Variants in PCDHGB6 observed in about 807,000 individuals in gnomAD.
PCDHGB6 encodes the protein protocadherin gamma subfamily B, 6, also known as protocadherin gamma-B6.
A neutral mutation model predicts 59.1 loss-of-function variants in PCDHGB6; 51 were observed. The ratio of observed to expected loss-of-function variants is 0.86; its 90% CI spans 0.69 to 1.09. PCDHGB6 has a LOEUF of 1.09. Among genes scored for constraint, PCDHGB6 ranks in the 50% least tolerant of loss-of-function variants. The probability of loss-of-function intolerance (pLI) is 0.00; values close to 1 mark genes in which losing one functional copy is unlikely to be tolerated. For missense variants in PCDHGB6, 1,148 were observed against 1,205.1 expected, an observed-to-expected ratio of 0.95 and a Z score of 0.70; for synonymous variants, 466 against 495.1, an observed-to-expected ratio of 0.94 and a Z score of 0.78.
At chr5:141,422,881 T>G in intron 1 of PCDHGB6, 1 of 1,614,214 alleles carries the variant, frequency 6.2e-7, no homozygotes, top group East Asian at 2.2e-5. Flanking sequence ...GCTGAGCCTG[T>G]TCGTGCTGGA....
intron 1 of PCDHGB6, among the ~76,000 whole-genome samples, chr5:141,435,590 A>G (rs1005651004): frequency 3.3e-5 from 5 of 152,210 alleles, no homozygotes; most frequent in African/African-American, 7.2e-5. Context: ...TTGCAGTAAT[A>G]TCGCCTGCTT....
chr5:141,475,162 G>T (rs949339969), intron 1 of PCDHGB6, among the ~76,000 whole-genome samples: 2 of 152,034 alleles, frequency 1.3e-5, no homozygotes, highest in South Asian at 4.1e-4. Flanking sequence ...TTCTTCATTA[G>T]CAGTGCAACT....
At chr5:141,449,252 T>C (rs1401555556) in intron 1 of PCDHGB6, among the ~76,000 whole-genome samples, 1 of 152,144 alleles carries the variant, frequency 6.6e-6, no homozygotes, top group Non-Finnish European at 1.5e-5. Flanking sequence ...GTTGCAAGAA[T>C]TGTACAAAGA....
chr5:141,487,622 C>T lies in PCDHGB6; in HGVS notation c.2419-7185C>T. Reference sequence around the variant, plus strand: ...TCTTCTCTATGGGCTAGAGGTGAGACCTTTGCAGGCTCAACAAATGCTTGA... The same window carrying T: ...TCTTCTCTATGGGCTAGAGGTGAGATCTTTGCAGGCTCAACAAATGCTTGA... On this transcript the variant is annotated intron_variant, in intron 1 of 3. Coordinates refer to ENST00000520790, the MANE Select transcript of PCDHGB6 (RefSeq NM_018926.3). This position sits in a 1 kb window ranked among gnomAD's most constrained non-coding sequence, Gnocchi z 5.0. 1.2e-6 allele frequency: 2 copies of T among 1,614,174 alleles called. No homozygotes were observed. Among genetic ancestry groups the T allele is most frequent in the South Asian group, 1.1e-5 (1 of 91,084 alleles).
At chr5:141,433,082 T>C in intron 1 of PCDHGB6, 1 of 1,614,188 alleles carries the variant, frequency 6.2e-7, no homozygotes. Flanking sequence ...CCAGCCCAAC[T>C]ATGCAGACAT....
rs575695102 is a variant in PCDHGB6 at position 141,421,063 on chromosome 5, G to C, written c.2418+10443G>C. 16 of 581,866 alleles carry C rather than the reference G, an allele frequency of 2.7e-5. No individual in the cohort carries two copies. The African/African-American group carries it at 2.9e-4, about 10-fold the overall frequency. 36.0% of individuals were successfully genotyped at this position (581,866 alleles called of 1,614,324 possible). A position where few individuals can be genotyped will look rare whatever the true frequency, so the allele number is the denominator to read the frequency against. ...CTCCCCCGCCTCTACCACACAAAGC[G>C]GAATGAGATGGATACTCACAGATCC... On this transcript the variant is annotated intron_variant, in intron 1 of 3. Coordinates refer to ENST00000520790, the MANE Select transcript of PCDHGB6 (RefSeq NM_018926.3).
Position 141,489,084 on chromosome 5 carries a change from C to T in PCDHGB6, c.2419-5723C>T, listed in dbSNP as rs1232276875. On this transcript the variant is annotated intron_variant, in intron 1 of 3. Transcript: ENST00000520790. This position sits in a 1 kb window ranked among gnomAD's most constrained non-coding sequence, Gnocchi z 4.5. ...CTCCCCCCTGCCCACCCCCGCCACTCGGTGACTAAGAACTGCTGCAAGCAG... is the reference window on the plus strand; with the variant it reads ...CTCCCCCCTGCCCACCCCCGCCACTTGGTGACTAAGAACTGCTGCAAGCAG... The T allele has an allele frequency of 1.5e-5, 5 of 329,072 alleles. No homozygotes were observed. Among genetic ancestry groups the T allele is most frequent in the South Asian group, 1.3e-4 (2 of 15,846 alleles). The allele number at this position is 329,072 out of a possible 1,614,324, so 20.4% of individuals were successfully genotyped here. A position where few individuals can be genotyped will look rare whatever the true frequency, so the allele number is the denominator to read the frequency against.
intron 1 of PCDHGB6, chr5:141,422,699 C>T: frequency 6.2e-7 from 1 of 1,603,420 alleles, no homozygotes; most frequent in Middle Eastern, 1.7e-4. Flanking sequence ...GTCACTTACT[C>T]TCTGACGGAT....
chr5:141,408,678 A>G lies in PCDHGB6; in HGVS notation c.476A>G (p.Asp159Gly), dbSNP rs758302984. The stretch of plus-strand genomic sequence containing the variant: ...CGACTATCGCTTGACCCTGCCACGG[A>G]TCCTGATATAAACATAAACTCAATT... Reference protein sequence around the residue: ...GTRLSLDPATDPDININSIKD... With the variant: ...GTRLSLDPATGPDININSIKD... The change falls in exon 1 of 4, where the codon GAT (aspartate) becomes GGT (glycine). Residue 159 changes from aspartate (D) to glycine (G), a missense_variant. Asp to Gly is a moderately conservative substitution (Grantham distance 94, BLOSUM62 -1). This residue lies in a region of PCDHGB6 where 307 missense variants were observed against 323.8 expected (regional missense o/e 0.95). Coordinates refer to ENST00000520790, the MANE Select transcript of PCDHGB6 (RefSeq NM_018926.3). 2.5e-6 allele frequency: 4 copies of G among 1,613,862 alleles called. No individual in the cohort carries two copies. Among genetic ancestry groups the G allele is most frequent in the African/African-American group, 1.3e-5 (1 of 74,920 alleles).
intron 1 of PCDHGB6, chr5:141,423,749 TTGGGGGGGGGG>T: frequency 3.7e-6 from 1 of 272,202 alleles, no homozygotes; most frequent in Non-Finnish European, 4.7e-6. Context: ...TGAAAACTGT[TTGGGGGGGGGG>T]TGGGGCGGCA....
chr5:141,415,119 G>A, intron 1 of PCDHGB6: 1 of 1,613,666 alleles, frequency 6.2e-7, no homozygotes, highest in African/African-American at 1.3e-5. Flanking sequence ...GCCTCGTAGT[G>A]GCCGTCCAGG....
In PCDHGB6 at chr5:141,410,631, C is replaced by A. The variant is rs1227907799; in HGVS notation, c.2418+11C>A. 1 of 1,600,936 alleles carries A rather than the reference C, an allele frequency of 6.2e-7. No homozygotes were observed. The highest frequency in any genetic ancestry group is 2.2e-5 in the East Asian group (1 of 44,824). The stretch of plus-strand genomic sequence containing the variant: ...GAGACTCTGACTTCGGTGAGTTTCT[C>A]TTTTTTGTGTGTGATTTATCTAATA... On this transcript the variant is annotated intron_variant, in intron 1 of 3. Coordinates refer to ENST00000520790, the MANE Select transcript of PCDHGB6 (RefSeq NM_018926.3).
chr5:141,414,052 T>C, intron 1 of PCDHGB6: 1 of 1,610,346 alleles, frequency 6.2e-7, no homozygotes, highest in Non-Finnish European at 8.5e-7. Flanking sequence ...TGACACGCAA[T>C]TGTTGAAGTT....
chr5:141,433,038 C>A, intron 1 of PCDHGB6: 3 of 1,614,180 alleles, frequency 1.9e-6, no homozygotes, highest in Non-Finnish European at 2.5e-6. Flanking sequence ...GTTTCCCTCA[C>A]CACGGACTCG....
chr5:141,429,765 T>C (rs897963458), intron 1 of PCDHGB6, among the ~76,000 whole-genome samples: 1 of 152,230 alleles, frequency 6.6e-6, no homozygotes, highest in East Asian at 1.9e-4. Flanking sequence ...TTTCCCTATA[T>C]TTTGATGGGC....
At chr5:141,500,723 G>A (rs6875791) in intron 2 of PCDHGB6, among the ~76,000 whole-genome samples, 4,890 of 152,100 alleles carry the variant, frequency 0.032, 255 homozygotes, top group African/African-American at 0.11. Flanking sequence ...ATTTCCCCAT[G>A]TCTTTCAAAA....
chr5:141,487,880 G>T lies in PCDHGB6; in HGVS notation c.2419-6927G>T, dbSNP rs1008153773. ...ATTGGTGATCAAGAGCCAGGCTGTTGTGGAAGCATGATGATGGAATGTGGG... is the reference window on the plus strand; with the variant it reads ...ATTGGTGATCAAGAGCCAGGCTGTTTTGGAAGCATGATGATGGAATGTGGG... On this transcript the variant is annotated intron_variant, in intron 1 of 3. Transcript: ENST00000520790. The surrounding 1 kb of genome is among the most constrained non-coding windows in gnomAD (Gnocchi z 5.0). The T allele has an allele frequency of 3.8e-6, 3 of 784,896 alleles. No individual in the cohort carries two copies. Among genetic ancestry groups the T allele is most frequent in the Non-Finnish European group, 6.0e-6 (3 of 497,074 alleles). 48.6% of individuals were successfully genotyped at this position (784,896 alleles called of 1,614,324 possible).
chr5:141,482,383 G>A (rs1594230401), intron 1 of PCDHGB6, among the ~76,000 whole-genome samples: 2 of 152,240 alleles, frequency 1.3e-5, no homozygotes, highest in East Asian at 3.9e-4. Context: ...TAAAGTCCCT[G>A]TATGGAGCAA....
Position 141,468,837 on chromosome 5 carries a change from G to A in PCDHGB6, c.2419-25970G>A, listed in dbSNP as rs550455857. ...GCCAAGATCAAGCCACTGCACTCCA[G>A]CCTGGGCAACAGAGCGAGACTCCAT... On this transcript the variant is annotated intron_variant, in intron 1 of 3. Transcript: ENST00000520790. 3.3e-5 allele frequency among the ~76,000 whole-genome samples: 5 copies of A among 152,228 alleles called. No homozygotes were observed. The East Asian group carries it at 9.7e-4, about 29-fold the overall frequency.
Sources: allele counts gnomAD v4.1 joint callset (sites outside exome capture counted in the v4.1 genomes callset), GRCh38; gene constraint gnomAD v4.1.1; regional missense constraint gnomAD v4.1.1; non-coding constraint Gnocchi (gnomAD v3.1); transcripts MANE v1.5; gene names NCBI Gene and HGNC (gene_info 2026-07-23, HGNC 2026-07-21).